The following MYO1D variants were observed in gnomAD, a reference collection of about 807,000 sequenced individuals.
The protein encoded by MYO1D is unconventional myosin-Id.
Under a neutral mutation model 122.0 loss-of-function variants are expected in MYO1D, and 83 were observed. The observed-to-expected ratio is 0.68, with a 90% CI of 0.57 to 0.82. The LOEUF (loss-of-function observed/expected upper bound fraction) is 0.82. Ranked by LOEUF, MYO1D falls within the 40% of genes least tolerant of loss-of-function variation. MYO1D has a pLI of 0.00. For synonymous variants in MYO1D, 464 were observed against 446.9 expected, an observed-to-expected ratio of 1.04 and a Z score of -0.48; for missense variants, 1,157 against 1,269.5, an observed-to-expected ratio of 0.91 and a Z score of 1.35.
intron 1 of MYO1D, among the ~76,000 whole-genome samples, chr17:32,797,927 C>A (rs931110987): frequency 6.6e-6 from 1 of 152,198 alleles, no homozygotes; most frequent in Non-Finnish European, 1.5e-5. Flanking sequence ...TATACATTTA[C>A]TAAATATTAA....
chr17:32,542,981 C>T (rs1910886383), intron 21 of MYO1D, among the ~76,000 whole-genome samples: 1 of 152,184 alleles, frequency 6.6e-6, no homozygotes, highest in South Asian at 2.1e-4. Context: ...AATCCCGGCA[C>T]TTTGGAAGGC....
intron 1 of MYO1D, among the ~76,000 whole-genome samples, chr17:32,827,530 C>T (rs2090733469): frequency 1.3e-5 from 2 of 152,186 alleles, no homozygotes; most frequent in African/African-American, 4.8e-5. Flanking sequence ...AAATACTGAA[C>T]TGTACACTTA....
chr17:32,594,254 T>C (rs973977523), intron 21 of MYO1D: 3 of 278,698 alleles, frequency 1.1e-5, no homozygotes, highest in South Asian at 3.1e-4. Context: ...CTCTGTAAGA[T>C]GTACCCTTAT....
intron 1 of MYO1D, among the ~76,000 whole-genome samples, chr17:32,813,108 T>C (rs577407733): frequency 6.6e-6 from 1 of 152,368 alleles, no homozygotes; most frequent in African/African-American, 2.4e-5. Context: ...TGTGAAAAGA[T>C]ACTCTGGCAC....
At chr17:32,782,583 TTGC>T (rs2090249868) in intron 1 of MYO1D, among the ~76,000 whole-genome samples, 1 of 152,224 alleles carries the variant, frequency 6.6e-6, no homozygotes, top group African/African-American at 2.4e-5. Flanking sequence ...TTTATAAACA[TTGC>T]TACTGAAATC....
chr17:32,664,238 A>C (rs2088607858), intron 16 of MYO1D, among the ~76,000 whole-genome samples: 1 of 152,188 alleles, frequency 6.6e-6, no homozygotes, highest in African/African-American at 2.4e-5. Context: ...GTTTGTGTGT[A>C]TGTGTGGCAG....
intron 1 of MYO1D, among the ~76,000 whole-genome samples, chr17:32,865,163 T>C (rs944422157): frequency 3.9e-5 from 6 of 152,148 alleles, no homozygotes; most frequent in African/African-American, 1.4e-4. Context: ...AAAATAAATA[T>C]GTTGTTGGGT....
At chr17:32,648,810 A>G (rs547408396) in intron 19 of MYO1D, among the ~76,000 whole-genome samples, 1 of 152,282 alleles carries the variant, frequency 6.6e-6, no homozygotes, top group African/African-American at 2.4e-5. Flanking sequence ...GCCTAAATTT[A>G]TCATTTTCAA....
intron 16 of MYO1D, among the ~76,000 whole-genome samples, chr17:32,689,885 A>C (rs767535634): frequency 6.5e-4 from 99 of 151,516 alleles, no homozygotes; most frequent in Non-Finnish European, 8.8e-4. Flanking sequence ...CACCCAGCTA[A>C]TTTTTAATTT....
intron 1 of MYO1D, among the ~76,000 whole-genome samples, chr17:32,860,344 T>G (rs1320793782): frequency 6.6e-6 from 1 of 152,168 alleles, no homozygotes; most frequent in African/African-American, 2.4e-5. Flanking sequence ...CCCAACAGCA[T>G]TCTGACTGAT....
Position 32,632,123 on chromosome 17 carries a change from T to C in MYO1D, c.2709+6599A>G, listed in dbSNP as rs373017808. 7.2e-4 allele frequency among the ~76,000 whole-genome samples: 109 copies of C among 152,328 alleles called. 2 individuals carry two copies. The South Asian group carries it at 0.01, about 14-fold the overall frequency. ...TTATAAGTGAGTGAGAAATGGTTAGTGTCTATCTCTGCTCCATAAAGTCTA... is the reference window on the plus strand; with the variant it reads ...TTATAAGTGAGTGAGAAATGGTTAGCGTCTATCTCTGCTCCATAAAGTCTA... On this transcript the variant is annotated intron_variant, in intron 20 of 21. Transcript: ENST00000318217.
chr17:32,592,247 TC>T (rs941199776), intron 21 of MYO1D, among the ~76,000 whole-genome samples: 10 of 152,192 alleles, frequency 6.6e-5, no homozygotes, highest in Admixed American at 5.9e-4. Flanking sequence ...CCATCAAAAA[TC>T]CCCAGTGCTT....
At chr17:32,843,139 C>G (rs1372418302) in intron 1 of MYO1D, among the ~76,000 whole-genome samples, 1 of 152,170 alleles carries the variant, frequency 6.6e-6, no homozygotes, top group Non-Finnish European at 1.5e-5. Flanking sequence ...ATCCGCCCGC[C>G]TCGGCCTCCC....
chr17:32,550,187 C>T (rs896544215), intron 21 of MYO1D, among the ~76,000 whole-genome samples: 5 of 151,726 alleles, frequency 3.3e-5, no homozygotes, highest in African/African-American at 1.2e-4. Flanking sequence ...GCAACCCCTG[C>T]CTTGCTGGTT....
intron 1 of MYO1D, among the ~76,000 whole-genome samples, chr17:32,847,908 A>G (rs894356898): frequency 1.3e-5 from 2 of 152,242 alleles, no homozygotes; most frequent in Non-Finnish European, 2.9e-5. Context: ...ATACAGTAGA[A>G]TAAGAACCAA....
rs9900171 is a variant in MYO1D at position 32,760,851 on chromosome 17, C to T, written c.1036-224G>A. 1.8e-3 allele frequency among the ~76,000 whole-genome samples: 270 copies of T among 152,296 alleles called. 2 individuals are homozygous for T. The highest frequency in any genetic ancestry group is 6.0e-3 in the African/African-American group (248 of 41,558). On this transcript the variant is annotated intron_variant, in intron 8 of 21. Transcript: ENST00000318217. Reference sequence around the variant, plus strand: ...AGCTTGTATTTTTAAAAGATTATTACCGGTCATTATACCAATTCCAACGAC... The same window carrying T: ...AGCTTGTATTTTTAAAAGATTATTATCGGTCATTATACCAATTCCAACGAC...
chr17:32,681,501 C>T lies in MYO1D; in HGVS notation c.2122-22163G>A, dbSNP rs1490674666. ...AACATCTTTATTTCTGCCTTCATTT[C>T]GTTATGTACCCAGTAGTCATTCAGG... On this transcript the variant is annotated intron_variant, in intron 16 of 21. Coordinates refer to ENST00000318217, the MANE Select transcript of MYO1D (RefSeq NM_015194.3). Among the ~76,000 whole-genome samples the T allele has an allele frequency of 6.0e-5, 9 of 149,134 alleles. No individual in the cohort carries two copies. In the South Asian group the frequency reaches 6.5e-4, roughly 11 times the overall value.
chr17:32,729,280 T>C (rs2089610147), intron 14 of MYO1D, among the ~76,000 whole-genome samples: 1 of 152,234 alleles, frequency 6.6e-6, no homozygotes, highest in African/African-American at 2.4e-5. Flanking sequence ...CACTGTCAAA[T>C]AGTCATAGCA....
chr17:32,682,539 G>A (rs1156453359), intron 16 of MYO1D, among the ~76,000 whole-genome samples: 2 of 151,468 alleles, frequency 1.3e-5, no homozygotes, highest in Non-Finnish European at 2.9e-5. Flanking sequence ...ATGAAATTGC[G>A]GGTTGAAAAT....
Sources: allele counts gnomAD v4.1 joint callset (sites outside exome capture counted in the v4.1 genomes callset), GRCh38; gene constraint gnomAD v4.1.1; transcripts MANE v1.5; gene names NCBI Gene and HGNC (gene_info 2026-07-23, HGNC 2026-07-21).